Variants in OR52K1 observed in about 807,000 individuals in gnomAD.
The protein encoded by OR52K1 is olfactory receptor family 52 subfamily K member 1, also known as olfactory receptor 52K1.
Under a neutral mutation model 8.7 loss-of-function variants are expected in OR52K1, and 10 were observed. The observed-to-expected ratio is 1.15, with a 90% CI of 0.71 to 1.95. The LOEUF (loss-of-function observed/expected upper bound fraction) is 1.95. Ranked by LOEUF, OR52K1 falls within the 30% of genes most tolerant of loss-of-function variation. The probability of loss-of-function intolerance (pLI) is 0.00; values close to 1 mark genes in which losing one functional copy is unlikely to be tolerated. For synonymous variants in OR52K1, 203 were observed against 148.5 expected (o/e 1.37, Z -2.67); for missense variants, 431 against 397.2 (o/e 1.08, Z -0.72).
At chr11:4,483,555 A>G (rs1361860775) in intron 1 of OR52K1, among the ~76,000 whole-genome samples, 5 of 152,216 alleles carry the variant, frequency 3.3e-5, no homozygotes, top group African/African-American at 9.7e-5. Context: ...GATGAACTTC[A>G]AAGGAAGTAA....
At chr11:4,487,994 C>G (rs1239493254) in intron 1 of OR52K1, among the ~76,000 whole-genome samples, 1 of 152,182 alleles carries the variant, frequency 6.6e-6, no homozygotes, top group Admixed American at 6.5e-5. Context: ...ATAAGTCAGT[C>G]TTGCTAAAGA....
At chr11:4,484,933 C>G (rs1210266310) in intron 1 of OR52K1, among the ~76,000 whole-genome samples, 1 of 151,824 alleles carries the variant, frequency 6.6e-6, no homozygotes, top group Non-Finnish European at 1.5e-5. Context: ...CTTCCAAATT[C>G]CTCAAAAAAG....
At position 4,489,745 on chromosome 11, in the gene OR52K1, A is replaced by C; in HGVS notation, c.845A>C (p.Tyr282Ser). ...GTCCACATACTCCTTGCTATTTTCT[A>C]TCTCCTTTTCCCACCCATGGTCAAT... ...PRVHILLAIF[Y>S]LLFPPMVNPI... is the part of the protein sequence containing the mutation. Residue 282 changes from tyrosine (Y) to serine (S), a missense_variant, in exon 2 of 2, where the codon TAT (tyrosine) becomes TCT (serine). Coordinates refer to ENST00000641528, the MANE Select transcript of OR52K1 (RefSeq NM_001005171.3). 2 of 1,614,064 alleles carry C rather than the reference A, an allele frequency of 1.2e-6. No homozygotes were observed. The highest frequency in any genetic ancestry group is 1.7e-6 in the Non-Finnish European group (2 of 1,180,014).
chr11:4,483,245 A>T (rs1197938866), intron 1 of OR52K1, 69 bp downstream of exon 1: 6 of 398,348 alleles, frequency 1.5e-5, no homozygotes, highest in Non-Finnish European at 2.7e-5. Flanking sequence ...TTATGTGATT[A>T]TCCTTCCTTG....
rs1250552497 is a variant in OR52K1 at position 4,489,017 on chromosome 11, G to A, written c.117G>A (p.Leu39=). 1 of 1,614,128 alleles carries A rather than the reference G, an allele frequency of 6.2e-7. No individual in the cohort carries two copies. The highest frequency in any genetic ancestry group is 1.1e-5 in the South Asian group (1 of 91,084). The change falls in exon 2 of 2, where the codon CTG becomes CTA. Residue 39 remains leucine, a synonymous_variant. Transcript: ENST00000641528. ...TCCCCTTCTGCTTTGCTTATACTCT[G>A]GCCCTGCTAGGCAACTGTACCCTTC... The part of the protein sequence containing the change: ...ISIPFCFAYT[L]ALLGNCTLLF...
chr11:4,492,292 A>T lies in OR52K1; in HGVS notation c.*2447A>T, dbSNP rs1846383871. 1 of 152,194 alleles carries T rather than the reference A, an allele frequency of 6.6e-6. No homozygotes were observed. The highest frequency in any genetic ancestry group is 1.5e-5 in the Non-Finnish European group (1 of 68,034). The allele number at this position is 152,194 out of a possible 1,614,324, so 9.4% of individuals were successfully genotyped here. A position where few individuals can be genotyped will look rare whatever the true frequency, so the allele number is the denominator to read the frequency against. On this transcript the variant is annotated 3_prime_UTR_variant, in exon 2 of 2. Coordinates refer to ENST00000641528, the MANE Select transcript of OR52K1 (RefSeq NM_001005171.3). The stretch of plus-strand genomic sequence containing the variant: ...CTGCTAAAAAAAAAAAATAAACTTT[A>T]AAATATGGCTGGAAAGCTTATCTTT...
chr11:4,485,374 C>G (rs371318871), intron 1 of OR52K1, among the ~76,000 whole-genome samples: 1 of 152,060 alleles, frequency 6.6e-6, no homozygotes, highest in Admixed American at 6.6e-5. Flanking sequence ...ATTTTCTATA[C>G]GTATTACCAT....
intron 1 of OR52K1, among the ~76,000 whole-genome samples, chr11:4,487,701 GAA>G (rs1349038490): frequency 1.3e-5 from 2 of 151,968 alleles, no homozygotes; most frequent in African/African-American, 2.4e-5. Context: ...GTTTCTTTTT[GAA>G]AAAGAGACCC....
rs1045625839 is a variant in OR52K1, at chr11:4,491,276, A to T, written c.*1431A>T. The T allele has an allele frequency of 3.3e-5, 5 of 151,446 alleles. No individual in the cohort carries two copies. The highest frequency in any genetic ancestry group is 7.4e-5 in the Non-Finnish European group (5 of 67,628). The allele number at this position is 151,446 out of a possible 1,614,324, so 9.4% of individuals were successfully genotyped here. On this transcript the variant is annotated 3_prime_UTR_variant, in exon 2 of 2. Transcript: ENST00000641528. ...TACTTCGAGAATCAGAAAGTTTATTAAAAAAAACAGATGCTAGTGAGGTTG... is the reference window on the plus strand; with the variant it reads ...TACTTCGAGAATCAGAAAGTTTATTTAAAAAAACAGATGCTAGTGAGGTTG...
In OR52K1 at chr11:4,488,633, G is replaced by C; in HGVS notation, c.-268G>C. ...ACATATACTCCATTCCTTTATGAAA[G>C]TTGTCTTAGAATATTAAATATCCAT... On this transcript the variant is annotated 5_prime_UTR_variant, in exon 2 of 2. Transcript: ENST00000641528. 2 of 422,332 alleles carry C rather than the reference G, an allele frequency of 4.7e-6. No individual in the cohort carries two copies. Among genetic ancestry groups the C allele is most frequent in the Non-Finnish European group, 8.4e-6 (2 of 237,734 alleles). 26.2% of individuals were successfully genotyped at this position (422,332 alleles called of 1,614,324 possible).
At chr11:4,487,611 C>T (rs1032122630) in intron 1 of OR52K1, among the ~76,000 whole-genome samples, 2 of 152,066 alleles carry the variant, frequency 1.3e-5, no homozygotes, top group African/African-American at 4.8e-5. Flanking sequence ...ACATGGGAAT[C>T]GGTAGAAAGA....
Position 4,489,827 on chromosome 11 carries a change from C to G in OR52K1, c.927C>G (p.Phe309Leu). 1.2e-6 allele frequency: 2 copies of G among 1,605,934 alleles called. No homozygotes were observed. Among genetic ancestry groups the G allele is most frequent in the Non-Finnish European group, 1.7e-6 (2 of 1,175,464 alleles). Residue 309 changes from phenylalanine (F) to leucine (L), a missense_variant, in exon 2 of 2, where the codon TTC (phenylalanine) becomes TTG (leucine). Phe to Leu is a conservative substitution (Grantham distance 22). Transcript: ENST00000641528. ...KQIREYVLSL[F>L]QRKNM is the part of the protein sequence containing the mutation. ...TTCGTGAGTATGTGCTCAGTCTATT[C>G]CAGAGAAAGAACATGTAGATGGATA...
In OR52K1 at chr11:4,490,065, C is replaced by G. The variant is rs1463011554; in HGVS notation, c.*220C>G. 2 of 535,976 alleles carry G rather than the reference C, an allele frequency of 3.7e-6. No individual in the cohort carries two copies. Among genetic ancestry groups the G allele is most frequent in the Admixed American group, 3.4e-5 (1 of 29,152 alleles). The allele number at this position is 535,976 out of a possible 1,614,324, so 33.2% of individuals were successfully genotyped here. ...AGTAGAGGTTTGACCTTCCCATTGT[C>G]ATAGACTCATCACATGGCTAAGGAA... is the stretch of plus-strand genomic sequence containing the variant. On this transcript the variant is annotated 3_prime_UTR_variant, in exon 2 of 2. Transcript: ENST00000641528.
intron 1 of OR52K1, among the ~76,000 whole-genome samples, chr11:4,485,885 C>T (rs1242309752): frequency 6.6e-6 from 1 of 152,226 alleles, no homozygotes; most frequent in Non-Finnish European, 1.5e-5. Context: ...TGACCTGATT[C>T]TCCTGCTCAT....
rs757827021 is a variant in OR52K1, at chr11:4,489,001, G to T, written c.101G>T (p.Cys34Phe). The part of the protein sequence containing the change: ...HLHAWISIPF[C>F]FAYTLALLGN... ...CATGCCTGGATCTCCATCCCCTTCT[G>T]CTTTGCTTATACTCTGGCCCTGCTA... is the stretch of plus-strand genomic sequence containing the variant. The change falls in exon 2 of 2, where the codon TGC (cysteine) becomes TTC (phenylalanine). Residue 34 changes from cysteine to phenylalanine, a missense_variant. Coordinates refer to ENST00000641528, the MANE Select transcript of OR52K1 (RefSeq NM_001005171.3). 1 of 1,614,094 alleles carries T rather than the reference G, an allele frequency of 6.2e-7. No individual in the cohort carries two copies. Among genetic ancestry groups the T allele is most frequent in the Non-Finnish European group, 8.5e-7 (1 of 1,180,014 alleles).
rs1458244620 is a variant in OR52K1 at position 4,489,432 on chromosome 11, C to A, written c.532C>A (p.His178Asn). Residue 178 changes from histidine (H) to asparagine (N), a missense_variant, in exon 2 of 2, where the codon CAT becomes AAT. Coordinates refer to ENST00000641528, the MANE Select transcript of OR52K1 (RefSeq NM_001005171.3). Reference sequence around the variant, plus strand: ...CTACTGCCGAGGCCCAGTGATTGCCCATTGCTACTGTGAACACATGGCTGT... The same window carrying A: ...CTACTGCCGAGGCCCAGTGATTGCCAATTGCTACTGTGAACACATGGCTGT... ...FHYCRGPVIA[H>N]CYCEHMAVVR... 6.2e-7 allele frequency: 1 copy of A among 1,614,170 alleles called. No homozygotes were observed. The highest frequency in any genetic ancestry group is 1.1e-5 in the South Asian group (1 of 91,078).
At chr11:4,486,472 T>C (rs942457440) in intron 1 of OR52K1, among the ~76,000 whole-genome samples, 3 of 152,244 alleles carry the variant, frequency 2.0e-5, no homozygotes, top group East Asian at 3.8e-4. Context: ...CATGAAACTT[T>C]AGTTTGGCAT....
Position 4,489,243 on chromosome 11 carries a change from G to A in OR52K1, c.343G>A (p.Ala115Thr), listed in dbSNP as rs1223894583. 1.2e-6 allele frequency: 2 copies of A among 1,614,228 alleles called. No homozygotes were observed. The highest frequency in any genetic ancestry group is 4.5e-5 in the East Asian group (2 of 44,884). The stretch of plus-strand genomic sequence containing the variant: ...TCACTCCTTCTCCATCATGGAGTCA[G>A]CAGTGCTGCTGGCCATGGCCTTTGA... ...FLHSFSIMES[A>T]VLLAMAFDRY... The change falls in exon 2 of 2, where the codon GCA becomes ACA. Residue 115 changes from alanine to threonine, a missense_variant. Transcript: ENST00000641528.
In OR52K1 at chr11:4,489,363, G is replaced by C. The variant is rs1442850582; in HGVS notation, c.463G>C (p.Val155Leu). 6.2e-7 allele frequency: 1 copy of C among 1,614,060 alleles called. No individual in the cohort carries two copies. Among genetic ancestry groups the C allele is most frequent in the Non-Finnish European group, 8.5e-7 (1 of 1,180,038 alleles). Reference protein sequence around the residue: ...KIGMAAVARAVTLMTPLPFLL... With the variant: ...KIGMAAVARALTLMTPLPFLL... Reference sequence around the variant, plus strand: ...TGGCATGGCTGCTGTGGCCCGGGCTGTGACACTAATGACTCCACTCCCCTT... The same window carrying C: ...TGGCATGGCTGCTGTGGCCCGGGCTCTGACACTAATGACTCCACTCCCCTT... The change falls in exon 2 of 2, where the codon GTG becomes CTG. Residue 155 changes from valine (V) to leucine (L), a missense_variant. Val to Leu is a conservative substitution (Grantham distance 32, BLOSUM62 1). Transcript: ENST00000641528.
Sources: allele counts gnomAD v4.1 joint callset (sites outside exome capture counted in the v4.1 genomes callset), GRCh38; gene constraint gnomAD v4.1.1; transcripts MANE v1.5; gene names NCBI Gene and HGNC (gene_info 2026-07-23, HGNC 2026-07-21).